Variants in POMT1 observed in about 807,000 individuals in gnomAD.
POMT1 encodes protein O-mannosyl-transferase 1.
A neutral mutation model predicts 101.6 loss-of-function variants in POMT1; 85 were observed. The ratio of observed to expected loss-of-function variants is 0.84; its 90% CI spans 0.70 to 1.00. The LOEUF (loss-of-function observed/expected upper bound fraction) is 1.00. Among genes scored for constraint, POMT1 ranks in the 50% least tolerant of loss-of-function variants. POMT1 has a pLI of 0.00. For synonymous variants in POMT1, 371 were observed against 383.0 expected (o/e 0.97, Z 0.37); for missense variants, 857 against 930.4 (o/e 0.92, Z 1.03).
chr9:131,504,381 G>A (rs1286243380), intron 2 of POMT1, 41 bp downstream of exon 2: 5 of 1,613,966 alleles, frequency 3.1e-6, no homozygotes, highest in Non-Finnish European at 4.2e-6. Context: ...ATCTAGAATT[G>A]TACTTTGTGA....
In POMT1 at chr9:131,520,200, G is replaced by C. The variant is rs367775263; in HGVS notation, c.1698+7G>C. 1 of 1,602,812 alleles carries C rather than the reference G, an allele frequency of 6.2e-7. No homozygotes were observed. The highest frequency in any genetic ancestry group is 8.5e-7 in the Non-Finnish European group (1 of 1,170,414). ...GCTGCACCCCAGGACCAGCGTAAGC[G>C]AGCGATGCTGACAGCTGACAGTCAT... On this transcript the variant is annotated splice_region_variant and intron_variant, in intron 17 of 19. Coordinates refer to ENST00000402686, the MANE Select transcript of POMT1 (RefSeq NM_001077365.2).
chr9:131,522,207 C>T lies in POMT1; in HGVS notation c.1986C>T (p.Ile662=), dbSNP rs140553130. The change falls in exon 19 of 20, where the codon ATC becomes ATT. Residue 662 remains isoleucine (I), a synonymous_variant. Transcript: ENST00000402686. This position sits in a 1 kb window ranked among gnomAD's most constrained non-coding sequence, Gnocchi z 5.5. ...TGCTCCCTGTGGTCCTGCAGCACATCAGCGACCACCTGTGCAGGTACGGGG... is the reference window on the plus strand; with the variant it reads ...TGCTCCCTGTGGTCCTGCAGCACATTAGCGACCACCTGTGCAGGTACGGGG... ...ILLLPVVLQH[I]SDHLCRSQLQ... The T allele has an allele frequency of 1.5e-4, 238 of 1,613,876 alleles. 1 individual carries two copies. In the African/African-American group the frequency reaches 2.4e-3, roughly 16 times the overall value.
Position 131,522,403 on chromosome 9 carries a change from G to A in POMT1, c.2003+179G>A. 7.8e-7 allele frequency: 1 copy of A among 1,285,482 alleles called. No homozygotes were observed. Among genetic ancestry groups the A allele is most frequent in the Non-Finnish European group, 1.1e-6 (1 of 951,956 alleles). The allele number at this position is 1,285,482 out of a possible 1,614,324, so 79.6% of individuals were successfully genotyped here. A position where few individuals can be genotyped will look rare whatever the true frequency, so the allele number is the denominator to read the frequency against. On this transcript the variant is annotated intron_variant, in intron 19 of 19. Transcript: ENST00000402686. This position sits in a 1 kb window ranked among gnomAD's most constrained non-coding sequence, Gnocchi z 5.5. ...GAGATGCCCAGATGAGGCACTGCAG[G>A]AACCCAGAGGGAGAAGTCGCGGCTG...
Position 131,518,539 on chromosome 9 carries a change from T to A in POMT1, c.1365+2T>A. On this transcript the variant is annotated splice_donor_variant, in intron 14 of 19. Transcript: ENST00000402686. LOFTEE classifies it high-confidence loss of function. ...GTGAACACTTCCGCTGTCTTAAAGG[T>A]AAGGACACTGTCCGTGGCTTGGCCT... 1 of 1,612,528 alleles carries A rather than the reference T, an allele frequency of 6.2e-7. No individual in the cohort carries two copies. Among genetic ancestry groups the A allele is most frequent in the Non-Finnish European group, 8.5e-7 (1 of 1,178,770 alleles).
rs150209587 is a variant in POMT1 at position 131,522,996 on chromosome 9, G to T, written c.2068G>T (p.Val690Leu). The T allele has an allele frequency of 4.4e-6, 7 of 1,608,332 alleles. No homozygotes were observed. Among genetic ancestry groups the T allele is most frequent in the Non-Finnish European group, 4.2e-6 (5 of 1,178,980 alleles). ...GGCCTGGTACTCCTCCGCGTGCCAC[G>T]TGTCCAACACGCTGCGCCCACTCAC... ...VVAWYSSACH[V>L]SNTLRPLTYG... The change falls in exon 20 of 20, where the codon GTG becomes TTG. Residue 690 changes from valine to leucine, a missense_variant. By Grantham distance (32) the Val-to-Leu change is conservative. Coordinates refer to ENST00000402686, the MANE Select transcript of POMT1 (RefSeq NM_001077365.2). The surrounding 1 kb of genome is among the most constrained non-coding windows in gnomAD (Gnocchi z 5.5).
In POMT1 at chr9:131,521,256, G is replaced by A. The variant is rs1007918834; in HGVS notation, c.1699-90G>A. The A allele has an allele frequency of 4.5e-6, 7 of 1,568,652 alleles. No homozygotes were observed. The African/African-American group carries it at 9.5e-5, about 21-fold the overall frequency. ...CGTTTTTTCACTCTGCTAAAGTAGT[G>A]CGTGCATCTGAATTCCTTTCCTGTG... On this transcript the variant is annotated intron_variant, in intron 17 of 19. Coordinates refer to ENST00000402686, the MANE Select transcript of POMT1 (RefSeq NM_001077365.2).
chr9:131,522,096 G>C lies in POMT1; in HGVS notation c.1875G>C (p.Trp625Cys). The change falls in exon 19 of 20, where the codon TGG (tryptophan) becomes TGC (cysteine). Residue 625 changes from tryptophan to cysteine, a missense_variant. Physicochemically the swap from Trp to Cys is radical, Grantham distance 215. Transcript: ENST00000402686. The surrounding 1 kb of genome is among the most constrained non-coding windows in gnomAD (Gnocchi z 5.5). ...CTGGGGCGCTGTGTGCCGGTGGCTG[G>C]GCAGTGAACTACCTCCCGTTCTTCC... ...VLAGALCAGGWAVNYLPFFLM... is the reference protein window; with the variant it reads ...VLAGALCAGGCAVNYLPFFLM... The C allele has an allele frequency of 6.2e-7, 1 of 1,614,100 alleles. No individual in the cohort carries two copies. The highest frequency in any genetic ancestry group is 1.1e-5 in the South Asian group (1 of 91,076).
Position 131,522,947 on chromosome 9 carries a change from G to GA in POMT1, c.2020dup (p.Ser674LysfsTer35). On this transcript the variant is annotated frameshift_variant, in exon 20 of 20. Coordinates refer to ENST00000402686, the MANE Select transcript of POMT1 (RefSeq NM_001077365.2). LOFTEE classifies it high-confidence loss of function. This position sits in a 1 kb window ranked among gnomAD's most constrained non-coding sequence, Gnocchi z 5.5. ...ACCTCTGCAGGTCCCAGCTCCAGAG[G>GA]AGCATCTTCAGCGCCCTGGTGGTGG... is the stretch of plus-strand genomic sequence containing the variant. 1.9e-6 allele frequency: 3 copies of GA among 1,594,722 alleles called. No individual in the cohort carries two copies. Among genetic ancestry groups the GA allele is most frequent in the Non-Finnish European group, 2.6e-6 (3 of 1,172,724 alleles).
In POMT1 at chr9:131,513,432, T is replaced by A. The variant is rs1371697460; in HGVS notation, c.1175+101T>A. The stretch of plus-strand genomic sequence containing the variant: ...CCCTGCCTTGGGCCGCTGCCCCCTG[T>A]CTACCCATCATCTGCATGTGTAGCA... On this transcript the variant is annotated intron_variant, in intron 12 of 19. Transcript: ENST00000402686. 7.4e-6 allele frequency: 8 copies of A among 1,074,546 alleles called. No homozygotes were observed. In the Admixed American group the frequency reaches 1.6e-4, roughly 21 times the overall value. 66.6% of individuals were successfully genotyped at this position (1,074,546 alleles called of 1,614,324 possible). A position where few individuals can be genotyped will look rare whatever the true frequency, so the allele number is the denominator to read the frequency against.
rs761021995 is a variant in POMT1, at chr9:131,521,335, T to G, written c.1699-11T>G. Reference sequence around the variant, plus strand: ...GGCAGGTGGCTAACAGCATCTCCCATGTTCCCTTAGGCTCAGATCCACCTA... The same window carrying G: ...GGCAGGTGGCTAACAGCATCTCCCAGGTTCCCTTAGGCTCAGATCCACCTA... On this transcript the variant is annotated splice_polypyrimidine_tract_variant and intron_variant, in intron 17 of 19. Transcript: ENST00000402686. 7.4e-6 allele frequency: 12 copies of G among 1,613,942 alleles called. No individual in the cohort carries two copies. The highest frequency in any genetic ancestry group is 1.0e-5 in the Non-Finnish European group (12 of 1,179,954).
At chr9:131,515,665 C>A in intron 13 of POMT1, 143 bp downstream of exon 13, 1 of 783,066 alleles carries the variant, frequency 1.3e-6, no homozygotes, top group South Asian at 1.4e-5. Context: ...TCCTCTAACA[C>A]GGAGCACTTC....
rs146512619 is a variant in POMT1, at chr9:131,522,153, C to T, written c.1932C>T (p.Tyr644=). 578 of 1,614,200 alleles carry T rather than the reference C, an allele frequency of 3.6e-4. 4 individuals carry two copies. The African/African-American group carries it at 5.9e-3, about 16-fold the overall frequency. Residue 644 remains tyrosine (Y), a synonymous_variant, in exon 19 of 20, where the codon TAC becomes TAT. Transcript: ENST00000402686. This position sits in a 1 kb window ranked among gnomAD's most constrained non-coding sequence, Gnocchi z 5.5. ...LMEKTLFLYH[Y]LPALTFQILL... ...AGAAGACACTCTTCCTCTACCACTACCTGCCCGCACTCACCTTCCAAATCC... is the reference window on the plus strand; with the variant it reads ...AGAAGACACTCTTCCTCTACCACTATCTGCCCGCACTCACCTTCCAAATCC...
At chr9:131,520,228 A>AT (rs1375714789) in intron 17 of POMT1, 35 bp downstream of exon 17, 1 of 1,540,348 alleles carries the variant, frequency 6.5e-7, no homozygotes, top group African/African-American at 1.4e-5. Context: ...ACAGTCATAG[A>AT]TTCATCCTGT....
chr9:131,508,558 G>C (rs1197145415), intron 5 of POMT1, among the ~76,000 whole-genome samples: 1 of 152,038 alleles, frequency 6.6e-6, no homozygotes, highest in Non-Finnish European at 1.5e-5. Flanking sequence ...AATTAGCCAG[G>C]TGTGGTGGCA....
At chr9:131,518,046 C>T (rs975344173) in intron 13 of POMT1, among the ~76,000 whole-genome samples, 1 of 152,252 alleles carries the variant, frequency 6.6e-6, no homozygotes, top group African/African-American at 2.4e-5. Flanking sequence ...TAAGCTGTGT[C>T]TGGCAGGGAC....
At chr9:131,515,548 C>A in intron 13 of POMT1, 26 bp downstream of exon 13, 1 of 1,601,754 alleles carries the variant, frequency 6.2e-7, no homozygotes, top group South Asian at 1.1e-5. Context: ...GCTATAGCAG[C>A]CACAACCGTC....
chr9:131,523,399 G>T lies in POMT1; in HGVS notation c.*293G>T, dbSNP rs1027392501. On this transcript the variant is annotated 3_prime_UTR_variant, in exon 20 of 20. Coordinates refer to ENST00000402686, the MANE Select transcript of POMT1 (RefSeq NM_001077365.2). ...TAGGAGTCATTGACAACAAAAAGCCGAGAACCCAGGGCCAGCAGTGGAGCC... is the reference window on the plus strand; with the variant it reads ...TAGGAGTCATTGACAACAAAAAGCCTAGAACCCAGGGCCAGCAGTGGAGCC... The T allele has an allele frequency of 1.2e-5, 5 of 408,794 alleles. No homozygotes were observed. Among genetic ancestry groups the T allele is most frequent in the South Asian group, 1.1e-4 (5 of 46,078 alleles). The allele number at this position is 408,794 out of a possible 1,614,324, so 25.3% of individuals were successfully genotyped here. A position where few individuals can be genotyped will look rare whatever the true frequency, so the allele number is the denominator to read the frequency against.
chr9:131,521,564 A>T (rs1257025314), intron 18 of POMT1, 92 bp downstream of exon 18: 1 of 1,447,486 alleles, frequency 6.9e-7, no homozygotes, highest in African/African-American at 1.4e-5. Flanking sequence ...TCCTGGGCTT[A>T]AGCGATCCTC....
chr9:131,520,181 C>T lies in POMT1; in HGVS notation c.1686C>T (p.His562=), dbSNP rs1248697625. ...ACACCAATATTGCCTACTGGCTGCACCCCAGGACCAGCGTAAGCGAGCGAT... is the reference window on the plus strand; with the variant it reads ...ACACCAATATTGCCTACTGGCTGCATCCCAGGACCAGCGTAAGCGAGCGAT... ...TLDTNIAYWL[H]PRTSAQIHLL... is the part of the protein sequence containing the mutation. Residue 562 remains histidine, a synonymous_variant, in exon 17 of 20, where the codon CAC becomes CAT. Coordinates refer to ENST00000402686, the MANE Select transcript of POMT1 (RefSeq NM_001077365.2). The T allele has an allele frequency of 1.2e-6, 2 of 1,613,242 alleles. No homozygotes were observed. Among genetic ancestry groups the T allele is most frequent in the South Asian group, 2.2e-5 (2 of 91,080 alleles).
Sources: allele counts gnomAD v4.1 joint callset (sites outside exome capture counted in the v4.1 genomes callset), GRCh38; gene constraint gnomAD v4.1.1; non-coding constraint Gnocchi (gnomAD v3.1); transcripts MANE v1.5; gene names NCBI Gene and HGNC (gene_info 2026-07-23, HGNC 2026-07-21).